ITPR2: variants seen among roughly 807,000 people sequenced by gnomAD.
The protein encoded by ITPR2 is inositol 1,4,5-trisphosphate-gated calcium channel ITPR2.
In ITPR2, 207 loss-of-function variants were observed where a neutral mutation model predicts 317.1. That is an observed-to-expected ratio of 0.65 (90% CI 0.58 to 0.73). The LOEUF (loss-of-function observed/expected upper bound fraction) is 0.73. Among genes scored for constraint, ITPR2 ranks in the 30% least tolerant of loss-of-function variants. The pLI is 0.00. For missense variants in ITPR2, 2,613 were observed against 3,284.0 expected (o/e 0.80, Z 4.99); for synonymous variants, 1,156 against 1,149.1 (o/e 1.01, Z -0.12).
intron 1 of ITPR2, among the ~76,000 whole-genome samples, chr12:26,803,116 C>T (rs1363538419): frequency 6.6e-6 from 1 of 152,110 alleles, no homozygotes; most frequent in Non-Finnish European, 1.5e-5. Context: ...TTGGCTTACA[C>T]TGAACTTATG....
intron 56 of ITPR2, among the ~76,000 whole-genome samples, 184 bp from the exon 57 acceptor site, chr12:26,339,667 C>G (rs1296561151): frequency 6.6e-6 from 1 of 151,966 alleles, no homozygotes; most frequent in African/African-American, 2.4e-5. Flanking sequence ...AAGAGCAAAC[C>G]CCTCTGTGTG....
At chr12:26,647,922 A>G (rs61922683) in intron 21 of ITPR2, among the ~76,000 whole-genome samples, 1 of 152,188 alleles carries the variant, frequency 6.6e-6, no homozygotes, top group South Asian at 2.1e-4. Context: ...GTACAAAGAT[A>G]AAAAGCTGCT....
chr12:26,496,713 G>T (rs1942938126), intron 37 of ITPR2, among the ~76,000 whole-genome samples: 1 of 151,862 alleles, frequency 6.6e-6, no homozygotes, highest in African/African-American at 2.4e-5. Context: ...GGAGGCCGAG[G>T]CGGGCAGATC....
At chr12:26,710,238 C>T (rs1042251939) in intron 9 of ITPR2, among the ~76,000 whole-genome samples, 7 of 152,174 alleles carry the variant, frequency 4.6e-5, no homozygotes, top group Non-Finnish European at 2.9e-5. Context: ...AAAAATTAGT[C>T]ATGCCAGCAT....
intron 45 of ITPR2, among the ~76,000 whole-genome samples, chr12:26,462,953 T>C (rs930598124): frequency 2.6e-5 from 4 of 152,178 alleles, no homozygotes; most frequent in African/African-American, 9.7e-5. Context: ...ATTACAGGTG[T>C]AAGCCACGGT....
At chr12:26,516,690 TAAG>T (rs1943529711) in intron 37 of ITPR2, among the ~76,000 whole-genome samples, 2 of 152,082 alleles carry the variant, frequency 1.3e-5, no homozygotes, top group Admixed American at 1.3e-4. Context: ...AGCAAAAAGA[TAAG>T]AAATTCAGGA....
chr12:26,792,382 T>C (rs1950356853), intron 1 of ITPR2, among the ~76,000 whole-genome samples: 1 of 151,452 alleles, frequency 6.6e-6, no homozygotes, highest in African/African-American at 2.4e-5. Context: ...ATTTTAATGG[T>C]AATTGGAATC....
chr12:26,536,733 G>T (rs1364720629), intron 37 of ITPR2, among the ~76,000 whole-genome samples: 1 of 152,188 alleles, frequency 6.6e-6, no homozygotes, highest in South Asian at 2.1e-4. Flanking sequence ...GCCAGTGTTG[G>T]CTACACAGCC....
At chr12:26,667,956 G>C (rs527534393) in intron 13 of ITPR2, among the ~76,000 whole-genome samples, 2 of 152,232 alleles carry the variant, frequency 1.3e-5, no homozygotes, top group African/African-American at 4.8e-5. Context: ...ACCTCTTCAT[G>C]ACAAGGCCAT....
At chr12:26,735,852 T>C (rs12300248) in intron 2 of ITPR2, among the ~76,000 whole-genome samples, 225 of 152,360 alleles carry the variant, frequency 1.5e-3, no homozygotes, top group African/African-American at 5.3e-3. Flanking sequence ...AACTGCCCTG[T>C]CAAATTTGTA....
rs1947315793 is a variant in ITPR2, at chr12:26,653,980, A to G, written c.2736T>C (p.Asp912=). ...SYFERLSKFQ[D]GGNNVMRTIH... ...CACATTTCCCAAAATTCTTACCTCC[A>G]TCTTGAAATTTGCTTAATCTTTCAA... is the stretch of plus-strand genomic sequence containing the variant. Residue 912 remains aspartate, a synonymous_variant, in exon 21 of 57, where the codon GAT becomes GAC. Transcript: ENST00000381340. 1 of 1,609,054 alleles carries G rather than the reference A, an allele frequency of 6.2e-7. No homozygotes were observed. The highest frequency in any genetic ancestry group is 1.3e-5 in the African/African-American group (1 of 74,750).
chr12:26,832,941 A>G lies in ITPR2; in HGVS notation c.-160T>C, dbSNP rs1937525796. On this transcript the variant is annotated 5_prime_UTR_variant, in exon 1 of 57. Coordinates refer to ENST00000381340, the MANE Select transcript of ITPR2 (RefSeq NM_002223.4). ...CCCGAGCCACTGAGCGTCGCGGCTC[A>G]GCCGTGCGTGCGCGCCGGGGAAGCC... The G allele has an allele frequency of 3.3e-6, 2 of 597,044 alleles. No homozygotes were observed. The highest frequency in any genetic ancestry group is 3.9e-5 in the South Asian group (2 of 51,400). 37.0% of individuals were successfully genotyped at this position (597,044 alleles called of 1,614,324 possible). A position where few individuals can be genotyped will look rare whatever the true frequency, so the allele number is the denominator to read the frequency against.
At chr12:26,384,199 C>CA (rs1230794639) in intron 55 of ITPR2, among the ~76,000 whole-genome samples, 1 of 152,220 alleles carries the variant, frequency 6.6e-6, no homozygotes, top group African/African-American at 2.4e-5. Context: ...CCACGTGCTA[C>CA]AAAATCTTCT....
intron 46 of ITPR2, 96 bp downstream of exon 46, chr12:26,443,447 A>C (rs1304713380): frequency 1.1e-6 from 1 of 922,876 alleles, no homozygotes; most frequent in Non-Finnish European, 1.7e-6. Context: ...TCACTTCTGC[A>C]TCATTGCTCT....
rs199760052 is a variant in ITPR2, at chr12:26,550,379, T to C, written c.4965-24A>G. 5.8e-5 allele frequency: 55 copies of C among 952,342 alleles called. No individual in the cohort carries two copies. In the East Asian group the frequency reaches 1.4e-3, roughly 24 times the overall value. 59.0% of individuals were successfully genotyped at this position (952,342 alleles called of 1,614,324 possible). A position where few individuals can be genotyped will look rare whatever the true frequency, so the allele number is the denominator to read the frequency against. ...ACCTTAAAGCAAAACATGAGACCTT[T>C]AGAAAGACAGTGATTTCTCTTCAAG... On this transcript the variant is annotated intron_variant, in intron 36 of 56. Coordinates refer to ENST00000381340, the MANE Select transcript of ITPR2 (RefSeq NM_002223.4).
intron 10 of ITPR2, among the ~76,000 whole-genome samples, chr12:26,695,007 A>G (rs1166806429): frequency 6.6e-6 from 1 of 152,212 alleles, no homozygotes. Flanking sequence ...CTATGTATCA[A>G]TGCAAAGATA....
intron 31 of ITPR2, among the ~76,000 whole-genome samples, chr12:26,596,512 T>A (rs1342663008): frequency 6.6e-6 from 1 of 152,076 alleles, no homozygotes; most frequent in Non-Finnish European, 1.5e-5. Context: ...CTGAGCATGG[T>A]GGCACATGCC....
intron 50 of ITPR2, among the ~76,000 whole-genome samples, chr12:26,417,173 C>T (rs7299412): frequency 0.94 from 142,595 of 152,210 alleles, 66,838 homozygotes; most frequent in East Asian, 1. Context: ...TTTTTGATAT[C>T]ATGTATACCA....
chr12:26,487,329 C>T (rs929620946), intron 39 of ITPR2, 78 bp from the exon 40 acceptor site: 1 of 1,017,966 alleles, frequency 9.8e-7, no homozygotes, highest in Non-Finnish European at 1.4e-6. Context: ...TAAACATAAG[C>T]ATTATAGGCA....
Sources: allele counts gnomAD v4.1 joint callset (sites outside exome capture counted in the v4.1 genomes callset), GRCh38; gene constraint gnomAD v4.1.1; transcripts MANE v1.5; gene names NCBI Gene and HGNC (gene_info 2026-07-23, HGNC 2026-07-21).